Variants in FAM228B observed in about 807,000 individuals in gnomAD.
FAM228B encodes the protein protein FAM228B.
In FAM228B, 38 loss-of-function variants were observed where a neutral mutation model predicts 42.6. The ratio of observed to expected loss-of-function variants is 0.89; its 90% CI spans 0.69 to 1.17. The LOEUF (loss-of-function observed/expected upper bound fraction) is 1.17, where lower values mean the gene tolerates loss of function less well. Among genes scored for constraint, FAM228B ranks in the 50% most tolerant of loss-of-function variants. FAM228B has a pLI of 0.00. For synonymous variants in FAM228B, 109 were observed against 122.3 expected (o/e 0.89, Z 0.72); for missense variants, 344 against 367.3 (o/e 0.94, Z 0.52).
Position 24,077,521 on chromosome 2 carries a change from T to G in FAM228B, c.-290+552T>G. ...CTTGGCCTGTCTATTGTGAATCTTCTCCAGGTTTGCTCTGGAAAGGCCTGG... is the reference window on the plus strand; with the variant it reads ...CTTGGCCTGTCTATTGTGAATCTTCGCCAGGTTTGCTCTGGAAAGGCCTGG... On this transcript the variant is annotated intron_variant, in intron 1 of 10. Coordinates refer to the FAM228B transcript ENST00000613899. This position sits in a 1 kb window ranked among gnomAD's most constrained non-coding sequence, Gnocchi z 5.5. 1 of 1,536,996 alleles carries G rather than the reference T, an allele frequency of 6.5e-7. No homozygotes were observed. The highest frequency in any genetic ancestry group is 8.8e-7 in the Non-Finnish European group (1 of 1,141,400).
At chr2:24,156,210 T>C (rs993893121) in intron 7 of FAM228B, among the ~76,000 whole-genome samples, 2 of 152,222 alleles carry the variant, frequency 1.3e-5, no homozygotes, top group African/African-American at 4.8e-5. Context: ...CTTGTCATCT[T>C]TTGCATCTAA....
intron 7 of FAM228B, among the ~76,000 whole-genome samples, chr2:24,148,225 T>G (rs568344958): frequency 6.6e-6 from 1 of 152,310 alleles, no homozygotes; most frequent in East Asian, 1.9e-4. Flanking sequence ...TTCCTCAGTT[T>G]TCAGCTATCC....
upstream of FAM228B, chr2:24,121,119 ATTCTT>A: frequency 6.2e-7 from 1 of 1,605,220 alleles, no homozygotes; most frequent in Non-Finnish European, 8.5e-7. Context: ...TTGGAGGCAA[ATTCTT>A]TTCTTTTACT....
chr2:24,149,897 C>G (rs1666986166), intron 7 of FAM228B, among the ~76,000 whole-genome samples: 1 of 152,168 alleles, frequency 6.6e-6, no homozygotes, highest in Non-Finnish European at 1.5e-5. Flanking sequence ...TACCATGAGG[C>G]TTGTAAATGC....
chr2:24,141,668 G>T (rs534688866), intron 5 of FAM228B, among the ~76,000 whole-genome samples: 1 of 152,172 alleles, frequency 6.6e-6, no homozygotes, highest in Non-Finnish European at 1.5e-5. Context: ...GTGAGCCACC[G>T]CGCCTGGCCT....
rs528186550 is a variant in FAM228B at position 24,099,352 on chromosome 2, T to C, written c.-121+4123T>C. Among the ~76,000 whole-genome samples the C allele has an allele frequency of 4.6e-5, 7 of 152,330 alleles. No homozygotes were observed. In the South Asian group the frequency reaches 1.4e-3, roughly 32 times the overall value. On this transcript the variant is annotated intron_variant, in intron 3 of 10. Coordinates refer to the FAM228B transcript ENST00000613899. ...AAATTGTCCCTGTTTGCAGATGACA[T>C]GATTGTATATTTAGAAAACCCCATC...
At chr2:24,129,151 C>G (rs779920053) in intron 2 of FAM228B, among the ~76,000 whole-genome samples, 3 of 152,102 alleles carry the variant, frequency 2.0e-5, no homozygotes, top group Non-Finnish European at 4.4e-5. Context: ...GTACTCTAAC[C>G]TATGAACTCC....
intron 3 of FAM228B, among the ~76,000 whole-genome samples, chr2:24,098,366 A>G (rs2150994980): frequency 6.6e-6 from 1 of 152,334 alleles, no homozygotes; most frequent in Middle Eastern, 3.4e-3. Context: ...GAAAAGATCA[A>G]CAAAATTGAT....
chr2:24,162,100 AAAAC>A (rs1205339590), intron 8 of FAM228B, among the ~76,000 whole-genome samples: 3 of 152,234 alleles, frequency 2.0e-5, no homozygotes, highest in Non-Finnish European at 2.9e-5. Context: ...CTCTGTCTCA[AAAAC>A]AAACAAACAA....
intron 5 of FAM228B, among the ~76,000 whole-genome samples, chr2:24,145,748 C>T (rs548529765): frequency 6.8e-6 from 1 of 147,190 alleles, no homozygotes; most frequent in South Asian, 2.1e-4. Context: ...CTCTGTCGCC[C>T]AAGTGGAGTG....
At chr2:24,112,877 A>C (rs926358141) in intron 3 of FAM228B, among the ~76,000 whole-genome samples, 2 of 152,052 alleles carry the variant, frequency 1.3e-5, no homozygotes, top group Non-Finnish European at 2.9e-5. Context: ...AGGCCTTTTC[A>C]TCACTCTGTG....
At chr2:24,158,507 CAGTG>C (rs1307923992) in intron 7 of FAM228B, among the ~76,000 whole-genome samples, 12 of 151,974 alleles carry the variant, frequency 7.9e-5, no homozygotes, top group Non-Finnish European at 1.3e-4. Flanking sequence ...AATGGGGAGT[CAGTG>C]AGGATAGCTG....
chr2:24,079,513 G>C (rs748848728), intron 1 of FAM228B: 7 of 1,614,058 alleles, frequency 4.3e-6, no homozygotes, highest in Non-Finnish European at 5.9e-6. Flanking sequence ...TTGAAAACAG[G>C]GGCCCATTGA....
chr2:24,157,370 A>T (rs1350099205), intron 7 of FAM228B, among the ~76,000 whole-genome samples: 4 of 152,138 alleles, frequency 2.6e-5, no homozygotes, highest in African/African-American at 9.7e-5. Context: ...TACACAGATG[A>T]CTTAAGGACC....
intron 4 of FAM228B, among the ~76,000 whole-genome samples, chr2:24,138,392 A>T (rs549376995): frequency 5.3e-4 from 80 of 152,024 alleles, no homozygotes; most frequent in Non-Finnish European, 9.9e-4. Flanking sequence ...CTGGAGTGCA[A>T]TGGCACGATC....
intron 3 of FAM228B, among the ~76,000 whole-genome samples, chr2:24,116,516 G>A (rs1376954563): frequency 6.6e-6 from 1 of 151,950 alleles, no homozygotes; most frequent in African/African-American, 2.4e-5. Context: ...TTTATACAGA[G>A]TCTTGCAGAA....
intron 7 of FAM228B, among the ~76,000 whole-genome samples, chr2:24,155,698 G>A (rs1201105035): frequency 6.6e-5 from 10 of 150,998 alleles, no homozygotes; most frequent in African/African-American, 2.2e-4. Context: ...CCGCCACCAC[G>A]CCCGGCTAAT....
At chr2:24,086,190 GCA>G (rs35478602) in intron 2 of FAM228B, among the ~76,000 whole-genome samples, 16,194 of 141,652 alleles carry the variant, frequency 0.11, 1,017 homozygotes, top group South Asian at 0.17. Flanking sequence ...AGCCGAGATC[GCA>G]CCACTGCACT....
intron 2 of FAM228B, among the ~76,000 whole-genome samples, chr2:24,134,844 GGAGGCT>G (rs1666542446): frequency 6.6e-6 from 1 of 152,190 alleles, no homozygotes; most frequent in Admixed American, 6.5e-5. Context: ...CAGCTACTTG[GGAGGCT>G]GAGGCACAAG....
Sources: gnomAD v4.1 joint callset for allele counts (sites outside exome capture counted in the v4.1 genomes callset) on GRCh38, gnomAD v4.1.1 for gene constraint, Gnocchi (gnomAD v3.1) non-coding constraint, MANE v1.5 for transcripts, NCBI Gene and HGNC (gene_info 2026-07-23, HGNC 2026-07-21) for gene names.